KLRG1: variants seen among roughly 807,000 people sequenced by gnomAD.
The protein encoded by KLRG1 is killer cell lectin like receptor G1, also known as killer cell lectin-like receptor subfamily G member 1.
In KLRG1, 16 loss-of-function variants were observed where a neutral mutation model predicts 21.8. The ratio of observed to expected loss-of-function variants is 0.73; its 90% CI spans 0.50 to 1.11. KLRG1 has a LOEUF of 1.11. Among genes scored for constraint, KLRG1 ranks in the 50% most tolerant of loss-of-function variants. KLRG1 has a pLI of 0.00. For synonymous variants in KLRG1, 69 were observed against 75.9 expected (o/e 0.91, Z 0.47); for missense variants, 173 against 218.3 (o/e 0.79, Z 1.31).
chr12:9,200,364 T>G, the KLRG1 span: 1 of 1,590,388 alleles, frequency 6.3e-7, no homozygotes, highest in South Asian at 1.1e-5. Context: ...TGTAACTCAC[T>G]CTCCACAGAC....
At chr12:9,113,352 A>G in the KLRG1 span, 1 of 1,612,918 alleles carries the variant, frequency 6.2e-7, no homozygotes, top group African/African-American at 1.3e-5. Flanking sequence ...TCAAACAGCC[A>G]CACTCACAGC....
At chr12:9,172,888 A>T in the KLRG1 span, among the ~76,000 whole-genome samples, 21 of 152,360 alleles carry the variant, frequency 1.4e-4, no homozygotes, top group South Asian at 4.4e-3. Flanking sequence ...AGAGACTTTA[A>T]CACACCACTG....
the KLRG1 span, chr12:9,077,589 G>C: frequency 6.5e-7 from 1 of 1,527,948 alleles, no homozygotes; most frequent in Non-Finnish European, 8.9e-7. Flanking sequence ...TGCCATCCAG[G>C]TTTTATTTTC....
chr12:9,020,299 G>C, the KLRG1 span, among the ~76,000 whole-genome samples: 1 of 152,112 alleles, frequency 6.6e-6, no homozygotes, highest in Admixed American at 6.6e-5. Context: ...GATAAGTTTT[G>C]ATAGGTGTAT....
the KLRG1 span, among the ~76,000 whole-genome samples, chr12:9,198,998 A>G: frequency 6.6e-6 from 1 of 152,078 alleles, no homozygotes; most frequent in Non-Finnish European, 1.5e-5. Context: ...TCTTCAGGTT[A>G]AAAGGAACTG....
chr12:9,070,946 G>A, the KLRG1 span, among the ~76,000 whole-genome samples: 4 of 151,942 alleles, frequency 2.6e-5, no homozygotes, highest in African/African-American at 7.3e-5. Flanking sequence ...TCAGCCTCCC[G>A]AGTAGCTGGG....
the KLRG1 span, among the ~76,000 whole-genome samples, chr12:9,210,215 G>A: frequency 2.6e-5 from 4 of 152,062 alleles, no homozygotes; most frequent in Non-Finnish European, 4.4e-5. Context: ...ATTTACCATC[G>A]TTTTACTCTG....
chr12:9,197,966 T>C, the KLRG1 span, among the ~76,000 whole-genome samples: 3 of 134,652 alleles, frequency 2.2e-5, no homozygotes, highest in African/African-American at 8.3e-5. Flanking sequence ...ATTTATATAT[T>C]ATATATTAAT....
the KLRG1 span, among the ~76,000 whole-genome samples, chr12:9,063,468 C>T: frequency 2.5e-4 from 38 of 152,260 alleles, 1 homozygote; most frequent in Non-Finnish European, 5.3e-4. Context: ...CATTTCCTGT[C>T]GTGTATCTAT....
the KLRG1 span, among the ~76,000 whole-genome samples, chr12:9,022,207 G>A: frequency 1.3e-5 from 2 of 152,142 alleles, no homozygotes; most frequent in South Asian, 2.1e-4. Flanking sequence ...GAAGTATCAT[G>A]TACTGTACAT....
At chr12:9,177,821 A>C in the KLRG1 span, among the ~76,000 whole-genome samples, 108,879 of 152,066 alleles carry the variant, frequency 0.72, 39,295 homozygotes, top group East Asian at 0.87. Context: ...TGTGACTAAA[A>C]GGAATAAGAC....
the KLRG1 span, chr12:9,109,905 C>G: frequency 6.2e-7 from 1 of 1,612,790 alleles, no homozygotes; most frequent in Non-Finnish European, 8.5e-7. Context: ...TGTCCTTCCA[C>G]CTGATTTCTT....
the KLRG1 span, chr12:9,201,254 C>A: frequency 7.3e-7 from 1 of 1,375,292 alleles, no homozygotes; most frequent in South Asian, 1.2e-5. Flanking sequence ...GTTCATCTGT[C>A]TAGAGTATTA....
chr12:9,072,939 C>T, the KLRG1 span: 3 of 1,332,574 alleles, frequency 2.3e-6, no homozygotes. Flanking sequence ...AGATATTTTT[C>T]AAAGACCCAT....
the KLRG1 span, among the ~76,000 whole-genome samples, chr12:9,123,262 C>T: frequency 6.6e-6 from 1 of 151,996 alleles, no homozygotes; most frequent in Non-Finnish European, 1.5e-5. Flanking sequence ...TATGTTTTTT[C>T]CTATACATAC....
the KLRG1 span, among the ~76,000 whole-genome samples, chr12:9,183,107 AT>A: frequency 2.0e-5 from 3 of 152,304 alleles, no homozygotes; most frequent in African/African-American, 4.8e-5. Flanking sequence ...AATTGATTTT[AT>A]TTTTTTCTTA....
chr12:9,093,840 C>T, the KLRG1 span, among the ~76,000 whole-genome samples: 4 of 152,058 alleles, frequency 2.6e-5, no homozygotes, highest in Admixed American at 6.5e-5. Context: ...GCCGAGACGG[C>T]GCCACTGCAC....
the KLRG1 span, among the ~76,000 whole-genome samples, chr12:9,207,487 A>C: frequency 6.6e-6 from 1 of 152,230 alleles, no homozygotes; most frequent in African/African-American, 2.4e-5. Flanking sequence ...TATTTGAGGC[A>C]GGATGCAAAG....
At chr12:9,173,615 A>G in the KLRG1 span, among the ~76,000 whole-genome samples, 1 of 152,314 alleles carries the variant, frequency 6.6e-6, no homozygotes, top group East Asian at 1.9e-4. Context: ...GAAAAGAATC[A>G]AGTAGACACA....
Sources: gnomAD v4.1 joint callset for allele counts (sites outside exome capture counted in the v4.1 genomes callset) on GRCh38, gnomAD v4.1.1 for gene constraint, MANE v1.5 for transcripts, NCBI Gene and HGNC (gene_info 2026-07-23, HGNC 2026-07-21) for gene names.